Variants in RANBP2 observed in about 807,000 individuals in gnomAD.
The protein encoded by RANBP2 is E3 SUMO-protein ligase RanBP2.
Under a neutral mutation model 303.6 loss-of-function variants are expected in RANBP2, and 57 were observed. That is an observed-to-expected ratio of 0.19 (90% CI 0.15 to 0.23). The LOEUF (loss-of-function observed/expected upper bound fraction) is 0.23. Among genes scored for constraint, RANBP2 ranks in the 10% least tolerant of loss-of-function variants. RANBP2 has a pLI of 1.00. For synonymous variants in RANBP2, 1,167 were observed against 1,301.5 expected, an observed-to-expected ratio of 0.90 and a Z score of 2.23; for missense variants, 3,138 against 3,780.8, an observed-to-expected ratio of 0.83 and a Z score of 4.46.
At chr2:109,194,056 T>C in the RANBP2 span, among the ~76,000 whole-genome samples, 2 of 152,226 alleles carry the variant, frequency 1.3e-5, no homozygotes, top group Non-Finnish European at 2.9e-5. Context: ...GTGTGCACAG[T>C]GTGCCAAATC....
the RANBP2 span, among the ~76,000 whole-genome samples, chr2:108,994,869 G>A: frequency 1.3e-4 from 17 of 133,186 alleles, no homozygotes; most frequent in African/African-American, 2.3e-4. Context: ...TCGCTCTGTC[G>A]CCCAGGCCGG....
At chr2:108,828,761 C>T in the RANBP2 span, among the ~76,000 whole-genome samples, 1 of 152,080 alleles carries the variant, frequency 6.6e-6, no homozygotes, top group African/African-American at 2.4e-5. Context: ...GACAGATCAC[C>T]AGGTCAGGAG....
the RANBP2 span, among the ~76,000 whole-genome samples, chr2:108,906,108 G>A: frequency 2.6e-5 from 4 of 152,172 alleles, no homozygotes; most frequent in Admixed American, 1.3e-4. Context: ...GGAAGCACTG[G>A]GAGATGCCTT....
the RANBP2 span, among the ~76,000 whole-genome samples, chr2:108,799,777 C>G: frequency 6.6e-6 from 1 of 152,110 alleles, no homozygotes; most frequent in Non-Finnish European, 1.5e-5. Flanking sequence ...GCTATTTCCC[C>G]AAAGATTTCT....
the RANBP2 span, among the ~76,000 whole-genome samples, chr2:109,040,784 G>A: frequency 3.3e-5 from 5 of 152,102 alleles, no homozygotes; most frequent in South Asian, 4.1e-4. Flanking sequence ...GGCCAGGCGC[G>A]GTGGCCCACA....
chr2:109,034,823 C>G, the RANBP2 span, among the ~76,000 whole-genome samples: 1 of 152,328 alleles, frequency 6.6e-6, no homozygotes, highest in Non-Finnish European at 1.5e-5. Context: ...ACAGAGCACA[C>G]TGTGAGTGTT....
the RANBP2 span, among the ~76,000 whole-genome samples, chr2:108,962,013 C>G: frequency 6.6e-6 from 1 of 152,228 alleles, no homozygotes; most frequent in East Asian, 1.9e-4. Flanking sequence ...CTCCCAACAC[C>G]TCTCCCAGAA....
downstream of RANBP2, chr2:108,789,114 A>T (rs536720810): frequency 4.7e-5 from 29 of 620,968 alleles, no homozygotes; most frequent in Non-Finnish European, 7.3e-5. Context: ...AAATAGTTGA[A>T]GCGAGTCACT....
chr2:109,501,671 A>G, the RANBP2 span: 1 of 760,246 alleles, frequency 1.3e-6, no homozygotes, highest in Non-Finnish European at 2.4e-6. Flanking sequence ...AGAGCTTCTG[A>G]GAACTGGTGC....
At chr2:109,087,478 A>G in the RANBP2 span, among the ~76,000 whole-genome samples, 2 of 152,146 alleles carry the variant, frequency 1.3e-5, no homozygotes, top group Non-Finnish European at 2.9e-5. Context: ...CTCTGAGCGC[A>G]GGGCTCTCTC....
the RANBP2 span, among the ~76,000 whole-genome samples, chr2:109,663,783 A>G: frequency 2.0e-5 from 3 of 152,222 alleles, no homozygotes; most frequent in Non-Finnish European, 2.9e-5. Context: ...ATTAAAGGGA[A>G]CAGCCTCTGT....
At chr2:109,572,287 C>T in the RANBP2 span, among the ~76,000 whole-genome samples, 4 of 152,198 alleles carry the variant, frequency 2.6e-5, no homozygotes, top group African/African-American at 9.6e-5. Context: ...CATGCCACGA[C>T]GCCCGGCTGA....
At chr2:108,965,371 C>T in the RANBP2 span, among the ~76,000 whole-genome samples, 1 of 151,490 alleles carries the variant, frequency 6.6e-6, no homozygotes, top group South Asian at 2.1e-4. Context: ...GTCCCAGCTA[C>T]TCGGGAGGCT....
chr2:108,770,779 A>G (rs909395330), intron 20 of RANBP2, among the ~76,000 whole-genome samples: 39 of 152,364 alleles, frequency 2.6e-4, no homozygotes, highest in African/African-American at 9.4e-4. Context: ...ATAAAAATTA[A>G]TGATATTTTA....
At chr2:108,965,890 C>CA in the RANBP2 span, among the ~76,000 whole-genome samples, 1,256 of 152,222 alleles carry the variant, frequency 8.3e-3, 8 homozygotes, top group Non-Finnish European at 0.013. Flanking sequence ...CCTCTCCCCC[C>CA]AGGCAAAGAA....
chr2:108,953,117 T>G, the RANBP2 span, among the ~76,000 whole-genome samples: 20 of 152,358 alleles, frequency 1.3e-4, no homozygotes, highest in South Asian at 3.9e-3. Context: ...CCTCAAGCAT[T>G]TATCCTTTGT....
chr2:108,840,827 A>G, the RANBP2 span, among the ~76,000 whole-genome samples: 3 of 128,476 alleles, frequency 2.3e-5, no homozygotes, highest in African/African-American at 9.8e-5. Context: ...TATTTTTTTG[A>G]GACAGAGCCT....
chr2:109,429,205 G>A, the RANBP2 span, among the ~76,000 whole-genome samples: 1 of 152,146 alleles, frequency 6.6e-6, no homozygotes, highest in Non-Finnish European at 1.5e-5. Context: ...GAGGACAGCA[G>A]ATGCAGTTGA....
At chr2:108,737,078 A>G (rs1159497460) in intron 6 of RANBP2, among the ~76,000 whole-genome samples, 1 of 150,960 alleles carries the variant, frequency 6.6e-6, no homozygotes, top group Non-Finnish European at 1.5e-5. Context: ...CATCTGGTAT[A>G]AGGAAAGAAG....
Sources: allele counts gnomAD v4.1 joint callset (sites outside exome capture counted in the v4.1 genomes callset), GRCh38; gene constraint gnomAD v4.1.1; transcripts MANE v1.5; gene names NCBI Gene and HGNC (gene_info 2026-07-23, HGNC 2026-07-21).